Variants in PCDH15 observed in about 807,000 individuals in gnomAD.
The protein encoded by PCDH15 is protocadherin-15.
Under a neutral mutation model 178.5 loss-of-function variants are expected in PCDH15, and 129 were observed. The observed-to-expected ratio is 0.72, with a 90% CI of 0.63 to 0.84. The LOEUF is 0.84. PCDH15 is among the 40% of genes least tolerant of loss of function. The pLI is 0.00. For missense variants in PCDH15, 2,230 were observed against 2,099.9 expected (o/e 1.06, Z -1.21); for synonymous variants, 800 against 732.0 (o/e 1.09, Z -1.50).
At chr10:55,044,431 C>A (rs560212089) in intron 2 of PCDH15, among the ~76,000 whole-genome samples, 1 of 152,222 alleles carries the variant, frequency 6.6e-6, no homozygotes, top group South Asian at 2.1e-4. Context: ...TGTGACTCCA[C>A]TTATTTTCAG....
intron 1 of PCDH15, among the ~76,000 whole-genome samples, chr10:54,765,209 C>A (rs1203036484): frequency 6.6e-6 from 1 of 152,050 alleles, no homozygotes. Flanking sequence ...GCCATTATAC[C>A]TTATATGGCA....
intron 9 of PCDH15, among the ~76,000 whole-genome samples, chr10:54,219,652 C>G (rs57135961): frequency 0.019 from 2,612 of 138,426 alleles, 97 homozygotes; most frequent in African/African-American, 0.066. Context: ...AACGTGTGAA[C>G]TTACATGAAT....
At chr10:54,196,549 T>G (rs1342663241) in intron 10 of PCDH15, among the ~76,000 whole-genome samples, 2 of 152,156 alleles carry the variant, frequency 1.3e-5, no homozygotes, top group African/African-American at 4.8e-5. Context: ...GATAAAATAT[T>G]TAAATAAAAG....
chr10:55,056,272 T>TA (rs1196395753), intron 2 of PCDH15, among the ~76,000 whole-genome samples: 5 of 152,134 alleles, frequency 3.3e-5, no homozygotes, highest in Non-Finnish European at 7.4e-5. Flanking sequence ...GTCTCATAGG[T>TA]ATCAATCCTT....
At chr10:55,620,540 A>G (rs113133071) in intron 2 of PCDH15, among the ~76,000 whole-genome samples, 53 of 152,096 alleles carry the variant, frequency 3.5e-4, no homozygotes, top group African/African-American at 1.1e-3. Flanking sequence ...CATTTTAGTT[A>G]TTACATTATT....
In PCDH15 at chr10:54,941,872, G is replaced by A. The variant is rs148307560; in HGVS notation, c.-79-44372C>T. ...CTTCAAATGATTCAGCCTTGGGAAT[G>A]TGCATATTCTCTGGGCGATGCAGTA... On this transcript the variant is annotated intron_variant, in intron 2 of 5. Coordinates refer to the PCDH15 transcript ENST00000458638. Among the ~76,000 whole-genome samples, 1,189 of 152,084 alleles carry A rather than the reference G, an allele frequency of 7.8e-3. 10 individuals carry two copies. Among genetic ancestry groups the A allele is most frequent in the African/African-American group, 0.027 (1,135 of 41,500 alleles).
At chr10:54,892,499 A>G (rs1466322219) in intron 3 of PCDH15, among the ~76,000 whole-genome samples, 1 of 151,918 alleles carries the variant, frequency 6.6e-6, no homozygotes, top group Non-Finnish European at 1.5e-5. Context: ...AATCAAAAGA[A>G]AAGAGTAAAG....
intron 2 of PCDH15, among the ~76,000 whole-genome samples, chr10:55,324,669 T>C (rs72803861): frequency 0.11 from 16,168 of 152,042 alleles, 937 homozygotes; most frequent in East Asian, 0.16. Flanking sequence ...AGACTGATCA[T>C]TGAGGTAGAA....
intron 2 of PCDH15, among the ~76,000 whole-genome samples, chr10:54,920,115 T>C (rs1837446782): frequency 6.6e-6 from 1 of 152,262 alleles, no homozygotes; most frequent in African/African-American, 2.4e-5. Flanking sequence ...TTTTTAATAT[T>C]CTCTATGTTC....
At chr10:54,876,724 T>C (rs1269195794) in intron 3 of PCDH15, among the ~76,000 whole-genome samples, 1 of 152,136 alleles carries the variant, frequency 6.6e-6, no homozygotes, top group Non-Finnish European at 1.5e-5. Context: ...TATATAAAAC[T>C]TGAACAGATG....
At chr10:55,324,635 C>T (rs772608219) in intron 2 of PCDH15, among the ~76,000 whole-genome samples, 3 of 152,062 alleles carry the variant, frequency 2.0e-5, no homozygotes, top group Non-Finnish European at 4.4e-5. Context: ...TAGTGGGAGA[C>T]TTCAACACAC....
intron 1 of PCDH15, among the ~76,000 whole-genome samples, chr10:55,280,854 A>G (rs1842716472): frequency 6.6e-6 from 1 of 152,204 alleles, no homozygotes; most frequent in Non-Finnish European, 1.5e-5. Context: ...GCTATGAAAT[A>G]TTAATGAGAA....
At chr10:55,293,113 A>G (rs1343106786) in intron 1 of PCDH15, among the ~76,000 whole-genome samples, 2 of 152,114 alleles carry the variant, frequency 1.3e-5, no homozygotes, top group Admixed American at 6.5e-5. Flanking sequence ...CCAAACCCCA[A>G]TTCTTGACTT....
At chr10:53,992,480 C>T (rs1395353271) in intron 21 of PCDH15, among the ~76,000 whole-genome samples, 1 of 152,122 alleles carries the variant, frequency 6.6e-6, no homozygotes. Flanking sequence ...ACAAATAATG[C>T]TTCACTTGTT....
chr10:54,918,168 T>C (rs865821517), intron 2 of PCDH15, among the ~76,000 whole-genome samples: 13 of 152,270 alleles, frequency 8.5e-5, no homozygotes, highest in Admixed American at 2.6e-4. Context: ...ATTATGACCA[T>C]ACGCTTCTAT....
intron 2 of PCDH15, among the ~76,000 whole-genome samples, chr10:54,547,162 T>A (rs1020872802): frequency 2.6e-5 from 4 of 152,176 alleles, no homozygotes; most frequent in Non-Finnish European, 5.9e-5. Flanking sequence ...TGTTCCACCA[T>A]GAACAAAGGA....
intron 20 of PCDH15, among the ~76,000 whole-genome samples, chr10:54,009,830 C>T (rs1250653736): frequency 6.6e-6 from 1 of 152,156 alleles, no homozygotes; most frequent in Admixed American, 6.5e-5. Context: ...CCGGTGCCTC[C>T]AGGCTGACAC....
At chr10:53,918,707 TACACAAACACAC>T (rs1208180173) in intron 25 of PCDH15, among the ~76,000 whole-genome samples, 2 of 124,120 alleles carry the variant, frequency 1.6e-5, no homozygotes, top group African/African-American at 3.1e-5. Flanking sequence ...TTAATGCAAA[TACACAAACACAC>T]ACACACACAC....
chr10:55,463,890 G>A (rs11004875), intron 2 of PCDH15, among the ~76,000 whole-genome samples: 1,061 of 11,942 alleles, frequency 0.089, 149 homozygotes, highest in African/African-American at 0.41. Flanking sequence ...AGAAAGAGAG[G>A]GAGAGAGAGA....
Sources: gnomAD v4.1 joint callset for allele counts (sites outside exome capture counted in the v4.1 genomes callset) on GRCh38, gnomAD v4.1.1 for gene constraint, MANE v1.5 for transcripts, NCBI Gene and HGNC (gene_info 2026-07-23, HGNC 2026-07-21) for gene names.